RALYL: variants seen among roughly 807,000 people sequenced by gnomAD.
RALYL encodes the protein RNA-binding Raly-like protein.
In RALYL, 29 loss-of-function variants were observed where a neutral mutation model predicts 35.1. The observed-to-expected ratio is 0.83, with a 90% CI of 0.61 to 1.13. The LOEUF (loss-of-function observed/expected upper bound fraction) is 1.13, where lower values mean the gene tolerates loss of function less well. Ranked by LOEUF, RALYL falls within the 50% of genes most tolerant of loss-of-function variation. The pLI is 0.00. For missense variants in RALYL, 359 were observed against 360.4 expected (o/e 1.00, Z 0.03); for synonymous variants, 120 against 127.6 (o/e 0.94, Z 0.40).
At chr8:84,387,055 C>G (rs1859379215) in intron 1 of RALYL, among the ~76,000 whole-genome samples, 1 of 151,776 alleles carries the variant, frequency 6.6e-6, no homozygotes, top group South Asian at 2.1e-4. Context: ...CTTTTGTTTC[C>G]TCTTTTCCAT....
intron 1 of RALYL, among the ~76,000 whole-genome samples, chr8:84,255,798 A>C (rs1831097059): frequency 1.3e-5 from 2 of 152,126 alleles, no homozygotes; most frequent in Non-Finnish European, 2.9e-5. Context: ...TTCCCCGGAA[A>C]ATTTATTTAC....
chr8:84,442,095 A>G (rs1223243818), intron 1 of RALYL, among the ~76,000 whole-genome samples: 4 of 152,176 alleles, frequency 2.6e-5, no homozygotes, highest in Non-Finnish European at 4.4e-5. Flanking sequence ...AAAGGCAAAA[A>G]GAAAGAAATG....
At chr8:84,574,080 A>C (rs1211300399) in intron 2 of RALYL, among the ~76,000 whole-genome samples, 2 of 152,004 alleles carry the variant, frequency 1.3e-5, no homozygotes, top group Non-Finnish European at 2.9e-5. Flanking sequence ...TGTTGAGTTT[A>C]GTAGTCTTTA....
At chr8:84,445,837 A>G (rs2048792646) in intron 1 of RALYL, among the ~76,000 whole-genome samples, 1 of 151,400 alleles carries the variant, frequency 6.6e-6, no homozygotes, top group Non-Finnish European at 1.5e-5. Flanking sequence ...TTAATTTTTC[A>G]CAAGTAAAGT....
At chr8:84,267,632 C>T (rs570640134) in intron 1 of RALYL, among the ~76,000 whole-genome samples, 10 of 152,252 alleles carry the variant, frequency 6.6e-5, no homozygotes, top group African/African-American at 2.2e-4. Flanking sequence ...GCCTGGAATA[C>T]CATTTAAAAC....
intron 1 of RALYL, among the ~76,000 whole-genome samples, chr8:84,357,544 T>C (rs1019244132): frequency 3.9e-5 from 6 of 151,948 alleles, no homozygotes; most frequent in African/African-American, 1.4e-4. Flanking sequence ...GGGAAATGTA[T>C]GCTAGTGATT....
chr8:84,376,530 G>A (rs1449615987), intron 1 of RALYL, among the ~76,000 whole-genome samples: 1 of 151,816 alleles, frequency 6.6e-6, no homozygotes, highest in African/African-American at 2.4e-5. Flanking sequence ...GTTATGGGAG[G>A]CTAGCAAGTA....
chr8:84,852,998 T>C (rs1267877652), intron 5 of RALYL, among the ~76,000 whole-genome samples: 1 of 152,220 alleles, frequency 6.6e-6, no homozygotes, highest in Non-Finnish European at 1.5e-5. Context: ...TTTGCAAGAA[T>C]CAATATGACT....
intron 4 of RALYL, among the ~76,000 whole-genome samples, chr8:84,834,136 G>A (rs1831474597): frequency 6.6e-6 from 1 of 152,252 alleles, no homozygotes; most frequent in East Asian, 1.9e-4. Context: ...AAATGGACAA[G>A]TGTACTCTTC....
intron 7 of RALYL, among the ~76,000 whole-genome samples, chr8:84,886,315 T>C (rs1842915935): frequency 6.6e-6 from 1 of 152,138 alleles, no homozygotes; most frequent in African/African-American, 2.4e-5. Context: ...TGTTGATTTA[T>C]ATATTAGTTA....
At chr8:84,273,891 T>C (rs918587861) in intron 1 of RALYL, among the ~76,000 whole-genome samples, 2 of 152,218 alleles carry the variant, frequency 1.3e-5, no homozygotes, top group African/African-American at 4.8e-5. Flanking sequence ...ATTGTTACTG[T>C]CTGTTTTCTC....
intron 3 of RALYL, among the ~76,000 whole-genome samples, chr8:84,789,901 T>C (rs1320367746): frequency 6.6e-6 from 1 of 152,140 alleles, no homozygotes; most frequent in East Asian, 1.9e-4. Flanking sequence ...ATAGAAAAGT[T>C]GCAATATTTG....
At chr8:84,771,062 A>G (rs1051338365) in intron 2 of RALYL, among the ~76,000 whole-genome samples, 1 of 151,378 alleles carries the variant, frequency 6.6e-6, no homozygotes, top group Non-Finnish European at 1.5e-5. Context: ...TATCCCATGT[A>G]TTTTTCTTTT....
At chr8:84,823,022 G>T (rs1273335876) in intron 4 of RALYL, among the ~76,000 whole-genome samples, 1 of 152,120 alleles carries the variant, frequency 6.6e-6, no homozygotes, top group African/African-American at 2.4e-5. Flanking sequence ...ATTCAGTAAA[G>T]CAGTGCCAAT....
At chr8:84,419,435 C>A (rs73306327) in intron 1 of RALYL, among the ~76,000 whole-genome samples, 6 of 152,046 alleles carry the variant, frequency 3.9e-5, no homozygotes, top group African/African-American at 1.2e-4. Flanking sequence ...TTATCCCATT[C>A]TGCATCTGTA....
intron 2 of RALYL, among the ~76,000 whole-genome samples, chr8:84,654,535 TCTAA>T (rs1329728243): frequency 6.6e-6 from 1 of 151,840 alleles, no homozygotes; most frequent in East Asian, 1.9e-4. Context: ...TCTTATTCAT[TCTAA>T]CTATTTTCTG....
At chr8:84,385,033 G>T (rs977106586) in intron 1 of RALYL, among the ~76,000 whole-genome samples, 2 of 151,658 alleles carry the variant, frequency 1.3e-5, no homozygotes, top group African/African-American at 4.8e-5. Context: ...GTTGTACGAG[G>T]ACCTAAATAT....
intron 4 of RALYL, among the ~76,000 whole-genome samples, chr8:84,820,535 G>A (rs894086572): frequency 6.6e-6 from 1 of 152,050 alleles, no homozygotes; most frequent in African/African-American, 2.4e-5. Flanking sequence ...GTTTTGTTTT[G>A]TCTTGTTTTT....
chr8:84,500,759 G>A (rs2056563124), intron 1 of RALYL, among the ~76,000 whole-genome samples: 1 of 152,158 alleles, frequency 6.6e-6, no homozygotes, highest in South Asian at 2.1e-4. Flanking sequence ...GAAATTAAAT[G>A]TGATGCTGGG....
Sources: allele counts gnomAD v4.1 joint callset (sites outside exome capture counted in the v4.1 genomes callset), GRCh38; gene constraint gnomAD v4.1.1; transcripts MANE v1.5; gene names NCBI Gene and HGNC (gene_info 2026-07-23, HGNC 2026-07-21).